The following PLG variants were observed in gnomAD, a reference collection of about 807,000 sequenced individuals.
PLG encodes the protein plasmin.
Under a neutral mutation model 104.4 loss-of-function variants are expected in PLG, and 41 were observed. The observed-to-expected ratio is 0.39, with a 90% CI of 0.31 to 0.51. PLG has a LOEUF of 0.51. PLG is among the 20% of genes least tolerant of loss of function. The probability of loss-of-function intolerance (pLI) is 0.76; values close to 1 mark genes in which losing one functional copy is unlikely to be tolerated. For synonymous variants in PLG, 337 were observed against 357.1 expected (o/e 0.94, Z 0.63); for missense variants, 891 against 1,003.6 (o/e 0.89, Z 1.52).
chr6:160,746,264 T>C (rs968028995), intron 17 of PLG, among the ~76,000 whole-genome samples: 3 of 152,354 alleles, frequency 2.0e-5, no homozygotes, highest in East Asian at 3.9e-4. Context: ...GAAATGCCAG[T>C]GATTTGTAGA....
rs182823025 is a variant in PLG at position 160,732,980 on chromosome 6, G to A, written c.1588-1015G>A. Among the ~76,000 whole-genome samples the A allele has an allele frequency of 2.8e-4, 43 of 152,236 alleles. No homozygotes were observed. Among genetic ancestry groups the A allele is most frequent in the African/African-American group, 9.6e-4 (40 of 41,540 alleles). On this transcript the variant is annotated intron_variant, in intron 12 of 18. Transcript: ENST00000308192. This position sits in a 1 kb window ranked among gnomAD's most constrained non-coding sequence, Gnocchi z 4.5. ...CCTGTTCCCTCCCTGGAAGTTGGACGTGGGGGGCTGAACAGTTCCAACCCT... is the reference window on the plus strand; with the variant it reads ...CCTGTTCCCTCCCTGGAAGTTGGACATGGGGGGCTGAACAGTTCCAACCCT...
chr6:160,726,973 T>C lies in PLG; in HGVS notation c.1257-4078T>C, dbSNP rs923572689. Among the ~76,000 whole-genome samples, 3 of 151,840 alleles carry C rather than the reference T, an allele frequency of 2.0e-5. No homozygotes were observed. Among genetic ancestry groups the C allele is most frequent in the South Asian group, 2.1e-4 (1 of 4,832 alleles). On this transcript the variant is annotated intron_variant, in intron 10 of 18. Coordinates refer to ENST00000308192, the MANE Select transcript of PLG (RefSeq NM_000301.5). The surrounding 1 kb of genome is among the most constrained non-coding windows in gnomAD (Gnocchi z 4.4). ...ATAAGAATATAGACAAACAATTGAGTAAATCTGTGAAACAGAAAGTTGGTT... is the reference window on the plus strand; with the variant it reads ...ATAAGAATATAGACAAACAATTGAGCAAATCTGTGAAACAGAAAGTTGGTT...
In PLG at chr6:160,715,013, T is replaced by A; in HGVS notation, c.668+99T>A. The A allele has an allele frequency of 3.3e-6, 4 of 1,204,222 alleles. No homozygotes were observed. In the South Asian group the frequency reaches 3.8e-5, roughly 11 times the overall value. The allele number at this position is 1,204,222 out of a possible 1,614,324, so 74.6% of individuals were successfully genotyped here. A position where few individuals can be genotyped will look rare whatever the true frequency, so the allele number is the denominator to read the frequency against. The stretch of plus-strand genomic sequence containing the variant: ...AGATATTTTAGCATTCCTCAAGAAG[T>A]GAACGCCTGATGTTTTTAATTTCAA... On this transcript the variant is annotated intron_variant, in intron 6 of 18. Coordinates refer to ENST00000308192, the MANE Select transcript of PLG (RefSeq NM_000301.5).
At chr6:160,742,421 T>C (rs1480477510) in intron 17 of PLG, among the ~76,000 whole-genome samples, 4 of 152,202 alleles carry the variant, frequency 2.6e-5, no homozygotes, top group Non-Finnish European at 5.9e-5. Context: ...TTGAGCTTTT[T>C]TTCATATGTT....
chr6:160,730,488 T>C (rs1029504632), intron 10 of PLG, among the ~76,000 whole-genome samples: 1 of 152,212 alleles, frequency 6.6e-6, no homozygotes, highest in African/African-American at 2.4e-5. Flanking sequence ...CTATTTTTCG[T>C]GGTTGTTTTT....
chr6:160,706,525 C>T lies in PLG; in HGVS notation c.168C>T (p.Asp56=), dbSNP rs144100362. Residue 56 remains aspartate, a synonymous_variant, in exon 2 of 19, where the codon GAC becomes GAT. Coordinates refer to ENST00000308192, the MANE Select transcript of PLG (RefSeq NM_000301.5). ...IEECAAKCEE[D]EEFTCRAFQY... is the part of the protein sequence containing the mutation. ...AATGTGCAGCAAAATGTGAGGAGGA[C>T]GAAGAATTCACCTGCAGGTATTTCC... 2.8e-4 allele frequency: 451 copies of T among 1,613,682 alleles called. No homozygotes were observed. The highest frequency in any genetic ancestry group is 3.4e-4 in the Non-Finnish European group (405 of 1,179,718).
In PLG at chr6:160,752,807, G is replaced by GA; in HGVS notation, c.2272-89dup. 1 of 1,417,668 alleles carries GA rather than the reference G, an allele frequency of 7.1e-7. No individual in the cohort carries two copies. Among genetic ancestry groups the GA allele is most frequent in the Non-Finnish European group, 1.0e-6 (1 of 1,002,498 alleles). The allele number at this position is 1,417,668 out of a possible 1,614,324, so 87.8% of individuals were successfully genotyped here. The stretch of plus-strand genomic sequence containing the variant: ...GTTCCTTTCTGATTTCAATTACTGG[G>GA]AAAATGTATATATGGATAGTAGAAG... On this transcript the variant is annotated intron_variant, in intron 18 of 18. Transcript: ENST00000308192. The surrounding 1 kb of genome is among the most constrained non-coding windows in gnomAD (Gnocchi z 4.7).
chr6:160,720,025 A>G (rs1394748643), intron 9 of PLG, among the ~76,000 whole-genome samples: 2 of 152,114 alleles, frequency 1.3e-5, no homozygotes, highest in Non-Finnish European at 2.9e-5. Context: ...AACAACTTTT[A>G]GCATTTTTTG....
At chr6:160,748,321 GGAAAGAA>G (rs1778311207) in intron 17 of PLG, among the ~76,000 whole-genome samples, 2 of 93,172 alleles carry the variant, frequency 2.1e-5, no homozygotes, top group African/African-American at 9.6e-5. Context: ...AAAGAAAGAA[GGAAAGAA>G]GGAAAGAAGG....
In PLG at chr6:160,744,359, G is replaced by A. The variant is rs1292637377; in HGVS notation, c.2125+2942G>A. On this transcript the variant is annotated intron_variant, in intron 17 of 18. Transcript: ENST00000308192. The surrounding 1 kb of genome is among the most constrained non-coding windows in gnomAD (Gnocchi z 4.5). ...GGAGCTCATTATTGTTCTGTTCAGGGAATCAATTTCTTCCTGGTTCAGTCT... is the reference window on the plus strand; with the variant it reads ...GGAGCTCATTATTGTTCTGTTCAGGAAATCAATTTCTTCCTGGTTCAGTCT... 2.0e-5 allele frequency among the ~76,000 whole-genome samples: 3 copies of A among 152,092 alleles called. No homozygotes were observed. The highest frequency in any genetic ancestry group is 4.4e-5 in the Non-Finnish European group (3 of 68,022).
rs115425219 is a variant in PLG, at chr6:160,734,790, C to T, written c.1681+702C>T. Reference sequence around the variant, plus strand: ...GAAAGGAAGCTACTTGGAATTGTCCCATATTTAACATTCTGCTGACCAATC... The same window carrying T: ...GAAAGGAAGCTACTTGGAATTGTCCTATATTTAACATTCTGCTGACCAATC... On this transcript the variant is annotated intron_variant, in intron 13 of 18. Transcript: ENST00000308192. The surrounding 1 kb of genome is among the most constrained non-coding windows in gnomAD (Gnocchi z 4.4). Among the ~76,000 whole-genome samples the T allele has an allele frequency of 0.01, 1,553 of 151,554 alleles. 33 individuals carry two copies. Among genetic ancestry groups the T allele is most frequent in the African/African-American group, 0.036 (1,478 of 41,248 alleles).
chr6:160,731,894 G>A lies in PLG; in HGVS notation c.1587+1G>A. 1 of 1,614,000 alleles carries A rather than the reference G, an allele frequency of 6.2e-7. No homozygotes were observed. The highest frequency in any genetic ancestry group is 8.5e-7 in the Non-Finnish European group (1 of 1,179,918). ...TCCACGGGCGGGTCTGGAAAAAAAT[G>A]TAAGCCACTTTGATTTGGACTCTTT... On this transcript the variant is annotated splice_donor_variant, in intron 12 of 18. Transcript: ENST00000308192. LOFTEE classifies it high-confidence loss of function. The surrounding 1 kb of genome is among the most constrained non-coding windows in gnomAD (Gnocchi z 5.1).
chr6:160,718,875 T>A (rs1332948775), intron 9 of PLG, 37 bp downstream of exon 9: 8 of 1,593,750 alleles, frequency 5.0e-6, no homozygotes, highest in Non-Finnish European at 6.9e-6. Flanking sequence ...AGGGCCCAAG[T>A]TTTCTCCTTA....
chr6:160,748,374 A>AG (rs1778320766), intron 17 of PLG, among the ~76,000 whole-genome samples: 30 of 55,358 alleles, frequency 5.4e-4, no homozygotes, highest in African/African-American at 6.6e-4. Flanking sequence ...GAAAGAAAGA[A>AG]AGAAAGAAAG....
chr6:160,742,497 GTTTT>G (rs199720182), intron 17 of PLG, among the ~76,000 whole-genome samples: 1 of 149,168 alleles, frequency 6.7e-6, no homozygotes, highest in South Asian at 2.1e-4. Flanking sequence ...TTTTAATGGG[GTTTT>G]TTTTTTCTTG....
In PLG at chr6:160,744,830, G is replaced by A. The variant is rs1002725495; in HGVS notation, c.2125+3413G>A. On this transcript the variant is annotated intron_variant, in intron 17 of 18. Coordinates refer to ENST00000308192, the MANE Select transcript of PLG (RefSeq NM_000301.5). This position sits in a 1 kb window ranked among gnomAD's most constrained non-coding sequence, Gnocchi z 4.5. ...TCTCTCTTAACACTACCTTAGCTCT[G>A]TCCAAGAGATTCTGGTATGTTGTAT... is the stretch of plus-strand genomic sequence containing the variant. 1.3e-5 allele frequency among the ~76,000 whole-genome samples: 2 copies of A among 152,136 alleles called. No homozygotes were observed. Among genetic ancestry groups the A allele is most frequent in the Non-Finnish European group, 2.9e-5 (2 of 68,022 alleles).
rs1777887116 is a variant in PLG at position 160,724,146 on chromosome 6, CAAAT to C, written c.1256+1583_1256+1586del. Among the ~76,000 whole-genome samples, 1 of 151,972 alleles carries C rather than the reference CAAAT, an allele frequency of 6.6e-6. No individual in the cohort carries two copies. ...TAACCAGGAGAAAAAGCACTCAAAA[CAAAT>C]AAACCCCAAAATGAAGAAATTGGCA... On this transcript the variant is annotated intron_variant, in intron 10 of 18. Coordinates refer to ENST00000308192, the MANE Select transcript of PLG (RefSeq NM_000301.5). The surrounding 1 kb of genome is among the most constrained non-coding windows in gnomAD (Gnocchi z 5.0).
rs1416241528 is a variant in PLG at position 160,739,953 on chromosome 6, A to T, written c.2018+745A>T. ...AGTGAAACATTTGCTTATGTCACTC[A>T]TTTAGTGCTGTTTGGAGCCAGATAC... On this transcript the variant is annotated intron_variant, in intron 16 of 18. Transcript: ENST00000308192. The surrounding 1 kb of genome is among the most constrained non-coding windows in gnomAD (Gnocchi z 4.4). 6.6e-6 allele frequency among the ~76,000 whole-genome samples: 1 copy of T among 152,092 alleles called. No homozygotes were observed. Among genetic ancestry groups the T allele is most frequent in the Non-Finnish European group, 1.5e-5 (1 of 68,018 alleles).
chr6:160,721,044 T>C (rs1280746665), intron 9 of PLG, among the ~76,000 whole-genome samples: 1 of 152,222 alleles, frequency 6.6e-6, no homozygotes, highest in Non-Finnish European at 1.5e-5. Context: ...TTATGACTTT[T>C]TTTCTAGCAT....
Sources: gnomAD v4.1 joint callset for allele counts (sites outside exome capture counted in the v4.1 genomes callset) on GRCh38, gnomAD v4.1.1 for gene constraint, Gnocchi (gnomAD v3.1) non-coding constraint, MANE v1.5 for transcripts, NCBI Gene and HGNC (gene_info 2026-07-23, HGNC 2026-07-21) for gene names.